The following NR2C2 variants were observed in gnomAD, a reference collection of about 807,000 sequenced individuals.
NR2C2 encodes nuclear receptor subfamily 2 group C member 2.
A neutral mutation model predicts 62.9 loss-of-function variants in NR2C2; 6 were observed. That is an observed-to-expected ratio of 0.10 (90% CI 0.05 to 0.19). The LOEUF is 0.19. Ranked by LOEUF, NR2C2 falls within the 10% of genes least tolerant of loss-of-function variation. The pLI is 1.00. For synonymous variants in NR2C2, 272 were observed against 273.8 expected (o/e 0.99, Z 0.07); for missense variants, 479 against 762.7 (o/e 0.63, Z 4.38).
rs148371200 is a variant in NR2C2 at position 14,969,503 on chromosome 3, A to G, written c.-40+21597A>G. On this transcript the variant is annotated intron_variant, in intron 1 of 13. Coordinates refer to ENST00000425241, the MANE Select transcript of NR2C2 (RefSeq NM_001291694.2). ...TGATTCACCCACCTTGGCCTCCCAA[A>G]GTGCTGGGATTACAGGCGTGAGCCA... Among the ~76,000 whole-genome samples, 373 of 152,250 alleles carry G rather than the reference A, an allele frequency of 2.4e-3. 1 individual carries two copies. The highest frequency in any genetic ancestry group is 8.4e-3 in the African/African-American group (349 of 41,546).
chr3:15,023,459 C>T, intron 6 of NR2C2, 112 bp downstream of exon 6: 6 of 1,224,678 alleles, frequency 4.9e-6, no homozygotes, highest in Non-Finnish European at 4.6e-6. Context: ...TAGCCTCCAG[C>T]GTTGTGTTGC....
chr3:14,966,519 C>G (rs989394938), intron 1 of NR2C2, among the ~76,000 whole-genome samples: 4 of 152,164 alleles, frequency 2.6e-5, no homozygotes, highest in African/African-American at 9.7e-5. Context: ...CCCAGGAGTT[C>G]AAGACTACAG....
At chr3:14,987,986 A>G (rs769569846) in intron 1 of NR2C2, among the ~76,000 whole-genome samples, 13 of 152,208 alleles carry the variant, frequency 8.5e-5, no homozygotes, top group Non-Finnish European at 1.8e-4. Flanking sequence ...TAATTTACTA[A>G]CCCGTCTCCT....
intron 1 of NR2C2, among the ~76,000 whole-genome samples, chr3:14,977,376 G>T (rs2040237083): frequency 6.6e-6 from 1 of 152,320 alleles, no homozygotes; most frequent in East Asian, 1.9e-4. Flanking sequence ...CATTGTGGCA[G>T]ATGGCTTTCA....
chr3:14,965,603 A>G (rs1260171080), intron 1 of NR2C2, among the ~76,000 whole-genome samples: 1 of 150,122 alleles, frequency 6.7e-6, no homozygotes, highest in African/African-American at 2.4e-5. Context: ...TGCAAAAGCA[A>G]TCCTCCTGTT....
intron 3 of NR2C2, among the ~76,000 whole-genome samples, chr3:15,015,439 C>T (rs925389639): frequency 1.3e-5 from 2 of 152,220 alleles, no homozygotes; most frequent in Admixed American, 6.5e-5. Flanking sequence ...CTGCCTCAGT[C>T]GGAGTCCTAG....
At chr3:14,970,873 T>C (rs1259838491) in intron 1 of NR2C2, among the ~76,000 whole-genome samples, 1 of 152,222 alleles carries the variant, frequency 6.6e-6, no homozygotes, top group Admixed American at 6.5e-5. Context: ...CAACTTACAA[T>C]TTTTTAACTT....
intron 1 of NR2C2, among the ~76,000 whole-genome samples, chr3:14,956,996 C>CAA (rs1475804984): frequency 6.6e-6 from 1 of 152,192 alleles, no homozygotes; most frequent in Non-Finnish European, 1.5e-5. Flanking sequence ...CACCTTTCAC[C>CAA]AATGATAGCT....
chr3:14,960,002 G>A (rs1380885894), intron 1 of NR2C2, among the ~76,000 whole-genome samples: 3 of 152,140 alleles, frequency 2.0e-5, no homozygotes, highest in Non-Finnish European at 2.9e-5. Flanking sequence ...TTATCTACAT[G>A]GGAAAAAAAT....
At chr3:14,984,879 A>G (rs1336087968) in intron 1 of NR2C2, among the ~76,000 whole-genome samples, 1 of 151,776 alleles carries the variant, frequency 6.6e-6, no homozygotes, top group Non-Finnish European at 1.5e-5. Flanking sequence ...AAGTCATTGT[A>G]TGAGTTCATA....
At chr3:14,991,130 C>G (rs1328298270) in intron 1 of NR2C2, among the ~76,000 whole-genome samples, 3 of 152,132 alleles carry the variant, frequency 2.0e-5, no homozygotes, top group Non-Finnish European at 2.9e-5. Context: ...CTATTGCCAA[C>G]TGTAAAATTC....
At chr3:14,967,328 T>C (rs1439318431) in intron 1 of NR2C2, among the ~76,000 whole-genome samples, 1 of 152,086 alleles carries the variant, frequency 6.6e-6, no homozygotes, top group Non-Finnish European at 1.5e-5. Context: ...GGATTTTCTC[T>C]ATTGTTTTTC....
intron 1 of NR2C2, among the ~76,000 whole-genome samples, chr3:14,950,006 A>T (rs1347652838): frequency 2.0e-5 from 3 of 152,198 alleles, no homozygotes; most frequent in Non-Finnish European, 4.4e-5. Context: ...ACAATAATAG[A>T]GCCTTCCTTC....
In NR2C2 at chr3:15,037,587, T is replaced by A. The variant is rs529326638; in HGVS notation, c.1373-413T>A. The stretch of plus-strand genomic sequence containing the variant: ...AGTAAGACACCCAACTCAAAAAAAA[T>A]TGTTTTGACAACTAAAAATTACCAG... On this transcript the variant is annotated intron_variant, in intron 11 of 13. Coordinates refer to ENST00000425241, the MANE Select transcript of NR2C2 (RefSeq NM_001291694.2). 3.0e-3 allele frequency among the ~76,000 whole-genome samples: 463 copies of A among 152,242 alleles called. 3 individuals carry two copies. The highest frequency in any genetic ancestry group is 5.5e-3 in the Non-Finnish European group (371 of 68,022).
chr3:14,977,747 C>G (rs2040247539), intron 1 of NR2C2, among the ~76,000 whole-genome samples: 1 of 151,936 alleles, frequency 6.6e-6, no homozygotes, highest in South Asian at 2.1e-4. Context: ...GGCGGATTGC[C>G]TGAACTCAGG....
chr3:14,968,932 C>A (rs1463863355), intron 1 of NR2C2, among the ~76,000 whole-genome samples: 2 of 146,188 alleles, frequency 1.4e-5, no homozygotes, highest in South Asian at 2.2e-4. Context: ...GGGAATTGAA[C>A]AACAAGAACA....
intron 3 of NR2C2, among the ~76,000 whole-genome samples, chr3:15,014,288 A>G (rs1239109402): frequency 2.0e-5 from 3 of 152,118 alleles, no homozygotes; most frequent in Non-Finnish European, 2.9e-5. Flanking sequence ...CTGTTAAGGC[A>G]GGATGGGGTT....
chr3:15,030,223 C>T, intron 8 of NR2C2, 52 bp from the exon 9 acceptor site: 1 of 1,426,904 alleles, frequency 7.0e-7, no homozygotes, highest in East Asian at 2.4e-5. Context: ...AATTCTGTTC[C>T]CCCTAAAAGC....
intron 1 of NR2C2, among the ~76,000 whole-genome samples, chr3:14,965,498 TAGTACA>T (rs987335489): frequency 5.4e-5 from 7 of 129,560 alleles, no homozygotes; most frequent in Non-Finnish European, 1.1e-4. Flanking sequence ...TGTATTAACT[TAGTACA>T]ACTGTTGTTT....
Sources: gnomAD v4.1 joint callset for allele counts (sites outside exome capture counted in the v4.1 genomes callset) on GRCh38, gnomAD v4.1.1 for gene constraint, MANE v1.5 for transcripts, NCBI Gene and HGNC (gene_info 2026-07-23, HGNC 2026-07-21) for gene names.